The following RTN1 variants were observed in gnomAD, a reference collection of about 807,000 sequenced individuals.
RTN1 encodes reticulon 1.
RTN1 carries 25 observed loss-of-function variants against 65.5 expected under a neutral mutation model. The ratio of observed to expected loss-of-function variants is 0.38; its 90% CI spans 0.28 to 0.53. RTN1 has a LOEUF of 0.53. Ranked by LOEUF, RTN1 falls within the 20% of genes least tolerant of loss-of-function variation. The pLI, the probability that RTN1 is intolerant of heterozygous loss-of-function variation, is 0.79. For missense variants in RTN1, 983 were observed against 1,025.4 expected (o/e 0.96, Z 0.57); for synonymous variants, 471 against 447.6 (o/e 1.05, Z -0.66).
At chr14:59,701,633 G>A (rs1474586533) in intron 3 of RTN1, among the ~76,000 whole-genome samples, 1 of 152,038 alleles carries the variant, frequency 6.6e-6, no homozygotes, top group Non-Finnish European at 1.5e-5. Flanking sequence ...TCTATAATAG[G>A]CAAATCTATA....
chr14:59,870,725 G>A lies in RTN1; in HGVS notation c.-95C>T. Reference sequence around the variant, plus strand: ...CCTGCTGCTGTCCCCGGAGGGACTCGGCGCTCAGGGAAGCTGCGGTGTCTC... The same window carrying A: ...CCTGCTGCTGTCCCCGGAGGGACTCAGCGCTCAGGGAAGCTGCGGTGTCTC... On this transcript the variant is annotated 5_prime_UTR_variant, in exon 1 of 9. Coordinates refer to ENST00000267484, the MANE Select transcript of RTN1 (RefSeq NM_021136.3). The surrounding 1 kb of genome is among the most constrained non-coding windows in gnomAD (Gnocchi z 5.1). The A allele has an allele frequency of 8.1e-7, 1 of 1,232,722 alleles. No homozygotes were observed. The highest frequency in any genetic ancestry group is 1.0e-6 in the Non-Finnish European group (1 of 981,440). 76.4% of individuals were successfully genotyped at this position (1,232,722 alleles called of 1,614,324 possible). A position where few individuals can be genotyped will look rare whatever the true frequency, so the allele number is the denominator to read the frequency against.
intron 1 of RTN1, among the ~76,000 whole-genome samples, chr14:59,785,878 G>C (rs1339920982): frequency 1.3e-5 from 2 of 152,140 alleles, no homozygotes; most frequent in African/African-American, 4.8e-5. Flanking sequence ...AGTCCTCACT[G>C]TTCTCTCTTG....
At chr14:59,752,315 T>A (rs936358888) in intron 1 of RTN1, among the ~76,000 whole-genome samples, 11 of 152,116 alleles carry the variant, frequency 7.2e-5, no homozygotes, top group Non-Finnish European at 1.3e-4. Flanking sequence ...TACATAGCCA[T>A]CTTTTTGCTG....
intron 3 of RTN1, among the ~76,000 whole-genome samples, chr14:59,683,377 T>G (rs1883781995): frequency 6.6e-6 from 1 of 152,110 alleles, no homozygotes; most frequent in Admixed American, 6.5e-5. Context: ...TCAATACACA[T>G]CTTTATCTGT....
At chr14:59,838,007 G>A (rs989768280) in intron 1 of RTN1, among the ~76,000 whole-genome samples, 1 of 152,090 alleles carries the variant, frequency 6.6e-6, no homozygotes, top group African/African-American at 2.4e-5. Context: ...TGGGTATAAT[G>A]CATGATACTG....
intron 3 of RTN1, among the ~76,000 whole-genome samples, chr14:59,612,345 GA>G (rs1881976473): frequency 6.6e-6 from 1 of 152,180 alleles, no homozygotes; most frequent in South Asian, 2.1e-4. Context: ...AAGCTGCAGA[GA>G]AAAGGAACCC....
chr14:59,737,327 T>A (rs1172211529), intron 2 of RTN1, among the ~76,000 whole-genome samples: 1 of 152,074 alleles, frequency 6.6e-6, no homozygotes, highest in African/African-American at 2.4e-5. Flanking sequence ...TCTCAGGATA[T>A]AAAATCAATG....
intron 3 of RTN1, among the ~76,000 whole-genome samples, chr14:59,662,682 T>C (rs1014739129): frequency 2.0e-5 from 3 of 151,980 alleles, no homozygotes; most frequent in African/African-American, 7.3e-5. Flanking sequence ...ACAAAGAGAA[T>C]AAAATACCTA....
chr14:59,807,158 TA>T (rs1353771570), intron 1 of RTN1, among the ~76,000 whole-genome samples: 1 of 152,160 alleles, frequency 6.6e-6, no homozygotes, highest in East Asian at 1.9e-4. Flanking sequence ...CAAGTCAAAT[TA>T]GAGGGCTTTC....
chr14:59,661,700 AC>A (rs1295672866), intron 3 of RTN1, among the ~76,000 whole-genome samples: 1 of 152,130 alleles, frequency 6.6e-6, no homozygotes, highest in African/African-American at 2.4e-5. Flanking sequence ...AAAATTCAAC[AC>A]CCCATTCATG....
intron 1 of RTN1, among the ~76,000 whole-genome samples, chr14:59,747,656 T>C (rs1261281236): frequency 3.9e-5 from 6 of 152,200 alleles, no homozygotes; most frequent in African/African-American, 1.2e-4. Flanking sequence ...TCCACTGTTT[T>C]ACTTTGCTGT....
intron 3 of RTN1, among the ~76,000 whole-genome samples, chr14:59,694,375 C>A (rs1884020493): frequency 6.6e-6 from 1 of 152,124 alleles, no homozygotes; most frequent in Non-Finnish European, 1.5e-5. Context: ...AAATAATTGA[C>A]AAACACTCTA....
chr14:59,664,073 C>A (rs1883310132), intron 3 of RTN1, among the ~76,000 whole-genome samples: 1 of 152,072 alleles, frequency 6.6e-6, no homozygotes, highest in African/African-American at 2.4e-5. Context: ...AACCGAAATG[C>A]CCAGCAATGA....
intron 1 of RTN1, among the ~76,000 whole-genome samples, chr14:59,793,132 TAC>T (rs1202396492): frequency 6.6e-6 from 1 of 152,194 alleles, no homozygotes; most frequent in African/African-American, 2.4e-5. Flanking sequence ...CTGAAGAACA[TAC>T]ATCATATTCT....
At position 59,869,586 on chromosome 14, in the gene RTN1, G is replaced by C. The variant is rs569482613; in HGVS notation, c.241+804C>G. 4.4e-4 allele frequency among the ~76,000 whole-genome samples: 58 copies of C among 132,136 alleles called. 4 individuals are homozygous for C. The South Asian group carries it at 0.014, about 32-fold the overall frequency. 86.7% of individuals were successfully genotyped at this position (132,136 alleles called of 152,430 possible). On this transcript the variant is annotated intron_variant, in intron 1 of 8. Coordinates refer to ENST00000267484, the MANE Select transcript of RTN1 (RefSeq NM_021136.3). ...CCAGGGCAATTTCCGGGGTGGGGGGGGGGGGGCGCTTAGACTGCTGGTAAA... is the reference window on the plus strand; with the variant it reads ...CCAGGGCAATTTCCGGGGTGGGGGGCGGGGGGCGCTTAGACTGCTGGTAAA...
At chr14:59,613,294 GATTT>G (rs1363912414) in intron 3 of RTN1, among the ~76,000 whole-genome samples, 3 of 152,012 alleles carry the variant, frequency 2.0e-5, no homozygotes, top group African/African-American at 7.2e-5. Flanking sequence ...ACAAGCTATA[GATTT>G]ATTTATTTAT....
At chr14:59,862,283 T>C (rs1887724938) in intron 1 of RTN1, among the ~76,000 whole-genome samples, 1 of 152,216 alleles carries the variant, frequency 6.6e-6, no homozygotes, top group Non-Finnish European at 1.5e-5. Context: ...TCCATTAGCG[T>C]CTGGTTTACT....
At chr14:59,699,426 C>T (rs1884134322) in intron 3 of RTN1, among the ~76,000 whole-genome samples, 3 of 152,066 alleles carry the variant, frequency 2.0e-5, no homozygotes, top group Non-Finnish European at 4.4e-5. Context: ...AAAACTTGTT[C>T]CATCTAATAT....
At chr14:59,713,456 T>C (rs1296784917) in intron 3 of RTN1, among the ~76,000 whole-genome samples, 2 of 152,212 alleles carry the variant, frequency 1.3e-5, no homozygotes, top group African/African-American at 4.8e-5. Context: ...TAGGATGAAG[T>C]TCCCCTCATA....
Sources: allele counts gnomAD v4.1 joint callset (sites outside exome capture counted in the v4.1 genomes callset), GRCh38; gene constraint gnomAD v4.1.1; non-coding constraint Gnocchi (gnomAD v3.1); transcripts MANE v1.5; gene names NCBI Gene and HGNC (gene_info 2026-07-23, HGNC 2026-07-21).